Variants in IL4I1 observed in about 807,000 individuals in gnomAD.
IL4I1 encodes L-amino-acid oxidase.
In IL4I1, 24 loss-of-function variants were observed where a neutral mutation model predicts 29.7. That is an observed-to-expected ratio of 0.81 (90% CI 0.59 to 1.14). The LOEUF (loss-of-function observed/expected upper bound fraction) is 1.14, where lower values mean the gene tolerates loss of function less well. IL4I1 is among the 50% of genes most tolerant of loss of function. IL4I1 has a pLI of 0.00. For missense variants in IL4I1, 686 were observed against 785.6 expected, an observed-to-expected ratio of 0.87 and a Z score of 1.52; for synonymous variants, 371 against 352.5, an observed-to-expected ratio of 1.05 and a Z score of -0.59.
intron 2 of IL4I1, among the ~76,000 whole-genome samples, chr19:49,910,408 C>G (rs781757397): frequency 6.6e-6 from 1 of 152,202 alleles, no homozygotes; most frequent in South Asian, 2.1e-4. Context: ...CCCCCAGGCC[C>G]ACACCTGCAC....
chr19:49,909,110 G>A (rs1185628256), intron 2 of IL4I1: 3 of 1,612,234 alleles, frequency 1.9e-6, no homozygotes, highest in Non-Finnish European at 2.5e-6. Flanking sequence ...TCCAGTGGTG[G>A]CAGATGAGGT....
chr19:49,890,946 CCTGCCCG>C lies in IL4I1; in HGVS notation c.773+18_773+24del. 1 of 767,566 alleles carries C rather than the reference CCTGCCCG, an allele frequency of 1.3e-6. No individual in the cohort carries two copies. Among genetic ancestry groups the C allele is most frequent in the Non-Finnish European group, 1.8e-6 (1 of 545,182 alleles). 47.5% of individuals were successfully genotyped at this position (767,566 alleles called of 1,614,324 possible). ...CCCTGATTGCCCCCCGCCCCCCCCC[CCTGCCCG>C]CCAGCCCCGCCCCTTACTGGAGTCT... On this transcript the variant is annotated intron_variant, in intron 7 of 7. Coordinates refer to ENST00000391826, the MANE Select transcript of IL4I1 (RefSeq NM_152899.2).
At chr19:49,917,925 G>C (rs984518706) in intron 2 of IL4I1, 9 of 152,254 alleles carry the variant, frequency 5.9e-5, no homozygotes, top group South Asian at 2.1e-4. Context: ...CCAGCTACTC[G>C]AGAGGCTGAG....
At chr19:49,897,552 G>A (rs564707017), upstream of IL4I1, among the ~76,000 whole-genome samples, 1 of 152,346 alleles carries the variant, frequency 6.6e-6, no homozygotes, top group South Asian at 2.1e-4. Context: ...ACCTGGGGTA[G>A]TACTGGAAGC....
chr19:49,907,706 T>C (rs994793331), intron 2 of IL4I1: 7 of 345,294 alleles, frequency 2.0e-5, no homozygotes, highest in South Asian at 1.6e-4. Flanking sequence ...TGACTAATTT[T>C]TGTATTTTTA....
chr19:49,889,922 G>A lies in IL4I1; in HGVS notation c.1452C>T (p.Ala484=), dbSNP rs2075107155. 3 of 1,609,064 alleles carry A rather than the reference G, an allele frequency of 1.9e-6. No homozygotes were observed. In the East Asian group the frequency reaches 6.7e-5, roughly 36 times the overall value. The change falls in exon 8 of 8, where the codon GCC becomes GCT. Residue 484 remains alanine, a synonymous_variant. Coordinates refer to ENST00000391826, the MANE Select transcript of IL4I1 (RefSeq NM_152899.2). ...GRIYFAGEHT[A]YPHGWVETAV... ...CCGTCTCCACCCAGCCGTGCGGGTAGGCGGTGTGCTCGCCGGCAAAGTAGA... is the reference window on the plus strand; with the variant it reads ...CCGTCTCCACCCAGCCGTGCGGGTAAGCGGTGTGCTCGCCGGCAAAGTAGA...
intron 2 of IL4I1, among the ~76,000 whole-genome samples, chr19:49,926,932 T>G (rs1412739657): frequency 6.6e-6 from 1 of 151,384 alleles, no homozygotes; most frequent in Non-Finnish European, 1.5e-5. Context: ...CTCGGCTTAC[T>G]GCAACCTCCG....
At chr19:49,912,262 C>A (rs918575580) in intron 2 of IL4I1, among the ~76,000 whole-genome samples, 3 of 151,370 alleles carry the variant, frequency 2.0e-5, no homozygotes, top group Non-Finnish European at 4.4e-5. Context: ...CTCCGCTTCC[C>A]GGGTTCAAGC....
chr19:49,898,321 AAAAAATAAAAAAT>A (rs1444038351), upstream of IL4I1, among the ~76,000 whole-genome samples: 9 of 152,076 alleles, frequency 5.9e-5, no homozygotes, highest in Non-Finnish European at 1.2e-4. Context: ...ACTCCATCTC[AAAAAATAAAAAAT>A]AAAAATAAAA....
At chr19:49,916,697 G>A (rs545523843) in intron 2 of IL4I1, among the ~76,000 whole-genome samples, 2 of 151,814 alleles carry the variant, frequency 1.3e-5, no homozygotes, top group South Asian at 2.1e-4. Context: ...CCGGGAGGCG[G>A]AGCTTGCAGT....
intron 5 of IL4I1, among the ~76,000 whole-genome samples, chr19:49,893,724 C>T (rs2075167534): frequency 6.6e-6 from 1 of 151,850 alleles, no homozygotes. Flanking sequence ...GGCAGTGGCT[C>T]ACGCCTGTAA....
intron 5 of IL4I1, 144 bp downstream of exon 5, chr19:49,894,124 G>T (rs2075173932): frequency 1.4e-6 from 1 of 737,940 alleles, no homozygotes. Context: ...ACATCCCCTT[G>T]GTAGAATTTC....
rs79933612 is a variant in IL4I1, at chr19:49,906,643, G to T, written c.-227-2322C>A. Among the ~76,000 whole-genome samples the T allele has an allele frequency of 3.9e-5, 6 of 152,318 alleles. No individual in the cohort carries two copies. In the East Asian group the frequency reaches 1.2e-3, roughly 29 times the overall value. On this transcript the variant is annotated intron_variant, in intron 2 of 9. Transcript: ENST00000341114. ...CTGGAGCAAACCACGATTTGCATTT[G>T]TCTATTACTCTGTCTCATCAAACAA...
intron 2 of IL4I1, among the ~76,000 whole-genome samples, chr19:49,918,022 AAAACAAAC>A (rs150266099): frequency 6.6e-6 from 1 of 151,956 alleles, no homozygotes; most frequent in African/African-American, 2.4e-5. Flanking sequence ...ACAGACACAC[AAAACAAAC>A]AAACAAACAA....
intron 1 of IL4I1, chr19:49,927,888 G>T (rs115792995): frequency 6.0e-4 from 92 of 152,390 alleles, no homozygotes; most frequent in African/African-American, 2.2e-3. Flanking sequence ...GGGGCAAGAT[G>T]GCTACCCTGT....
intron 2 of IL4I1, among the ~76,000 whole-genome samples, chr19:49,926,944 C>T (rs557891399): frequency 6.6e-6 from 1 of 152,022 alleles, no homozygotes; most frequent in Non-Finnish European, 1.5e-5. Flanking sequence ...CAACCTCCGC[C>T]CCACCCCAGG....
chr19:49,907,561 GAC>G (rs1415548086), intron 2 of IL4I1: 1 of 379,486 alleles, frequency 2.6e-6, no homozygotes, highest in East Asian at 8.3e-5. Flanking sequence ...TTTTTTTTGA[GAC>G]AGAGTCTCTG....
At position 49,891,448 on chromosome 19, in the gene IL4I1, C is replaced by T. The variant is rs2075137855; in HGVS notation, c.593G>A (p.Gly198Asp). Residue 198 changes from glycine to aspartate, a missense_variant, in exon 6 of 8, where the codon GGC becomes GAC. Physicochemically the swap from Gly to Asp is moderately conservative, Grantham distance 94. Coordinates refer to ENST00000391826, the MANE Select transcript of IL4I1 (RefSeq NM_152899.2). ...NQALKDLKAL[G>D]CRKAMKKFER... ...AAACTTCTTCATCGCCTTTCTGCAG[C>T]CCAGTGCCTTGAGGTCTTTGAGGGC... is the stretch of plus-strand genomic sequence containing the variant. The T allele has an allele frequency of 6.2e-7, 1 of 1,614,176 alleles. No homozygotes were observed. The highest frequency in any genetic ancestry group is 1.3e-5 in the African/African-American group (1 of 75,062).
intron 1 of IL4I1, among the ~76,000 whole-genome samples, chr19:49,896,527 C>T (rs1054224399): frequency 1.3e-5 from 2 of 152,040 alleles, no homozygotes; most frequent in Non-Finnish European, 2.9e-5. Flanking sequence ...CTCCGCCTCC[C>T]AGGTTCAAGA....
Sources: allele counts gnomAD v4.1 joint callset (sites outside exome capture counted in the v4.1 genomes callset), GRCh38; gene constraint gnomAD v4.1.1; transcripts MANE v1.5; gene names NCBI Gene and HGNC (gene_info 2026-07-23, HGNC 2026-07-21).